Variants in MED12L observed in about 807,000 individuals in gnomAD.
The protein encoded by MED12L is mediator complex subunit 12L.
Under a neutral mutation model 281.3 loss-of-function variants are expected in MED12L, and 60 were observed. The observed-to-expected ratio is 0.21, with a 90% confidence interval of 0.17 to 0.26. The LOEUF (loss-of-function observed/expected upper bound fraction) is 0.26. Among genes scored for constraint, MED12L ranks in the 10% least tolerant of loss-of-function variants. The pLI, the probability that MED12L is intolerant of heterozygous loss-of-function variation, is 1.00. For missense variants in MED12L, 2,146 were observed against 2,680.9 expected (o/e 0.80, Z 4.41); for synonymous variants, 974 against 987.2 (o/e 0.99, Z 0.25).
chr3:151,166,071 TTC>T lies in MED12L; in HGVS notation c.1494+91_1494+92del, dbSNP rs1720678012. 3 of 1,107,590 alleles carry T rather than the reference TTC, an allele frequency of 2.7e-6. No homozygotes were observed. In the South Asian group the frequency reaches 4.7e-5, roughly 17 times the overall value. 68.6% of individuals were successfully genotyped at this position (1,107,590 alleles called of 1,614,324 possible). A position where few individuals can be genotyped will look rare whatever the true frequency, so the allele number is the denominator to read the frequency against. On this transcript the variant is annotated intron_variant, in intron 11 of 44. Coordinates refer to ENST00000687756, the MANE Select transcript of MED12L (RefSeq NM_001393769.1). ...ATTCAGGAAACTCTGGCGAAACCTTTTCTATGAAGTGTAGTATCTTATGAAGA... is the reference window on the plus strand; with the variant it reads ...ATTCAGGAAACTCTGGCGAAACCTTTTATGAAGTGTAGTATCTTATGAAGA...
Position 151,430,281 on chromosome 3 carries a change from C to G in MED12L, c.6409-18C>G, listed in dbSNP as rs1327298866. Reference sequence around the variant, plus strand: ...CACCATGGAATGATTTCTGTCCTTTCTCCTGTCGCCATTACAGTTTCCCAG... The same window carrying G: ...CACCATGGAATGATTTCTGTCCTTTGTCCTGTCGCCATTACAGTTTCCCAG... On this transcript the variant is annotated intron_variant, in intron 43 of 44. Coordinates refer to ENST00000687756, the MANE Select transcript of MED12L (RefSeq NM_001393769.1). The G allele has an allele frequency of 6.2e-7, 1 of 1,614,000 alleles. No homozygotes were observed. The highest frequency in any genetic ancestry group is 8.5e-7 in the Non-Finnish European group (1 of 1,179,878).
intron 43 of MED12L, among the ~76,000 whole-genome samples, chr3:151,429,773 G>A (rs960530359): frequency 3.3e-5 from 5 of 152,120 alleles, no homozygotes; most frequent in African/African-American, 9.7e-5. Context: ...GCCCAGGCCC[G>A]GGCTCTGAGG....
chr3:151,425,285 T>G, intron 43 of MED12L: 1 of 169,712 alleles, frequency 5.9e-6, no homozygotes, highest in Non-Finnish European at 1.3e-5. Flanking sequence ...TAGAAATTAC[T>G]AATTAGCAGC....
intron 3 of MED12L, among the ~76,000 whole-genome samples, chr3:151,120,513 A>G (rs1713600805): frequency 6.6e-6 from 1 of 152,228 alleles, no homozygotes; most frequent in Admixed American, 6.5e-5. Flanking sequence ...TTAAATGTAT[A>G]TCCACACAGT....
intron 37 of MED12L, among the ~76,000 whole-genome samples, chr3:151,389,379 C>T (rs1713884486): frequency 6.6e-6 from 1 of 152,124 alleles, no homozygotes; most frequent in African/African-American, 2.4e-5. Flanking sequence ...TTTTGTTTCT[C>T]TTCCATCCTC....
intron 20 of MED12L, 98 bp downstream of exon 20, chr3:151,357,474 C>T: frequency 1.9e-6 from 2 of 1,078,242 alleles, no homozygotes; most frequent in South Asian, 2.2e-5. Context: ...AGTACTGATA[C>T]CTGTTTTAGT....
intron 40 of MED12L, among the ~76,000 whole-genome samples, chr3:151,409,879 C>T (rs1181273616): frequency 3.3e-5 from 5 of 152,120 alleles, no homozygotes; most frequent in South Asian, 2.1e-4. Flanking sequence ...AGTGGAGGAT[C>T]GCTTGAGCTT....
chr3:151,227,100 C>T (rs1419018668), intron 16 of MED12L, among the ~76,000 whole-genome samples: 3 of 152,198 alleles, frequency 2.0e-5, no homozygotes, highest in African/African-American at 7.2e-5. Flanking sequence ...GCTGCTGTGA[C>T]CCATCGACTT....
In MED12L at chr3:151,435,062, C is replaced by CTTTTTTTTTT. The variant is rs66791814; in HGVS notation, c.*2269_*2278dup. The CTTTTTTTTTT allele has an allele frequency of 3.9e-4, 47 of 119,050 alleles. No individual in the cohort carries two copies. Among genetic ancestry groups the CTTTTTTTTTT allele is most frequent in the African/African-American group, 7.7e-4 (25 of 32,426 alleles). The allele number at this position is 119,050 out of a possible 1,614,324, so 7.4% of individuals were successfully genotyped here. Reference sequence around the variant, plus strand: ...GTTAATTCTGTATCTTGAGAGGTTTCTTTTTTTTTTTTTTTTTTTTCTTTT... The same window carrying CTTTTTTTTTT: ...GTTAATTCTGTATCTTGAGAGGTTTCTTTTTTTTTTTTTTTTTTTTTTTTTTTTTTCTTTT... On this transcript the variant is annotated 3_prime_UTR_variant, in exon 45 of 45. Coordinates refer to ENST00000687756, the MANE Select transcript of MED12L (RefSeq NM_001393769.1).
At chr3:151,112,857 T>A (rs371978044) in intron 2 of MED12L, among the ~76,000 whole-genome samples, 1 of 152,200 alleles carries the variant, frequency 6.6e-6, no homozygotes, top group East Asian at 1.9e-4. Context: ...AATATGCTCA[T>A]GTTAATTGTT....
At chr3:151,199,424 A>C in intron 16 of MED12L, 1 of 1,534,454 alleles carries the variant, frequency 6.5e-7, no homozygotes, top group Non-Finnish European at 8.7e-7. Context: ...ATTGAAAAGA[A>C]AAAATTTCTA....
intron 16 of MED12L, among the ~76,000 whole-genome samples, chr3:151,223,817 C>T (rs1010532328): frequency 1.3e-5 from 2 of 152,128 alleles, no homozygotes; most frequent in Non-Finnish European, 2.9e-5. Context: ...AACAAACTTG[C>T]ACATGTAACT....
chr3:151,394,221 C>T (rs993329227), intron 38 of MED12L, among the ~76,000 whole-genome samples: 1 of 152,140 alleles, frequency 6.6e-6, no homozygotes, highest in Non-Finnish European at 1.5e-5. Context: ...GGTGAAAAGA[C>T]TTTAATGACA....
At chr3:151,395,941 G>C (rs1221765034) in intron 39 of MED12L, among the ~76,000 whole-genome samples, 1 of 152,172 alleles carries the variant, frequency 6.6e-6, no homozygotes, top group Non-Finnish European at 1.5e-5. Context: ...TTGGTGGATG[G>C]TGATGGCAAG....
At chr3:151,140,730 A>T (rs963003539) in intron 5 of MED12L, among the ~76,000 whole-genome samples, 1 of 152,092 alleles carries the variant, frequency 6.6e-6, no homozygotes, top group African/African-American at 2.4e-5. Context: ...CCCAGGCTGG[A>T]GTGCAATGGC....
intron 9 of MED12L, among the ~76,000 whole-genome samples, chr3:151,164,824 G>A (rs1014133429): frequency 6.6e-6 from 1 of 151,974 alleles, no homozygotes; most frequent in African/African-American, 2.4e-5. Flanking sequence ...GACACAGGAA[G>A]GGGAACATCA....
intron 5 of MED12L, among the ~76,000 whole-genome samples, chr3:151,145,994 G>C (rs9683109): frequency 2.0e-5 from 3 of 152,078 alleles, no homozygotes; most frequent in Non-Finnish European, 2.9e-5. Context: ...GTTAATTTAC[G>C]TATCTGATCT....
At chr3:151,275,348 A>C (rs950389997) in intron 16 of MED12L, among the ~76,000 whole-genome samples, 3 of 152,008 alleles carry the variant, frequency 2.0e-5, no homozygotes, top group Non-Finnish European at 4.4e-5. Flanking sequence ...AGAAGCCAGC[A>C]CCCGTCCCTG....
At chr3:151,391,407 C>T (rs1222219136) in intron 38 of MED12L, among the ~76,000 whole-genome samples, 1 of 152,090 alleles carries the variant, frequency 6.6e-6, no homozygotes, top group East Asian at 1.9e-4. Flanking sequence ...CTCACTGGGG[C>T]CTTTACTAAC....
Sources: gnomAD v4.1 joint callset for allele counts (sites outside exome capture counted in the v4.1 genomes callset) on GRCh38, gnomAD v4.1.1 for gene constraint, MANE v1.5 for transcripts, NCBI Gene and HGNC (gene_info 2026-07-23, HGNC 2026-07-21) for gene names.